The following IGF2BP2 variants were observed in gnomAD, a reference collection of about 807,000 sequenced individuals.
IGF2BP2 encodes insulin-like growth factor 2 mRNA-binding protein 2.
In IGF2BP2, 17 loss-of-function variants were observed where a neutral mutation model predicts 75.8. The ratio of observed to expected loss-of-function variants is 0.22; its 90% confidence interval spans 0.15 to 0.34. The LOEUF (loss-of-function observed/expected upper bound fraction) is 0.34, where lower values mean the gene tolerates loss of function less well. Among genes scored for constraint, IGF2BP2 ranks in the 10% least tolerant of loss-of-function variants. The pLI is 1.00. For missense variants in IGF2BP2, 516 were observed against 772.4 expected, an observed-to-expected ratio of 0.67 and a Z score of 3.93; for synonymous variants, 288 against 295.6, an observed-to-expected ratio of 0.97 and a Z score of 0.26.
Position 185,675,351 on chromosome 3 carries a change from ATCTCAGC to A in IGF2BP2, c.1009_1015del (p.Ala337Ter). On this transcript the variant is annotated frameshift_variant, in exon 9 of 16. Transcript: ENST00000382199. ...CTCACGCAGCTTCTTCATAATCTCT[ATCTCAGC>A]ACTGGCACAGGCCTCAACTGTGCCC... The A allele has an allele frequency of 6.2e-7, 1 of 1,612,512 alleles. No individual in the cohort carries two copies. Among genetic ancestry groups the A allele is most frequent in the Non-Finnish European group, 8.5e-7 (1 of 1,179,684 alleles).
chr3:185,765,087 C>T (rs1198883252), intron 2 of IGF2BP2, among the ~76,000 whole-genome samples: 1 of 152,190 alleles, frequency 6.6e-6, no homozygotes, highest in East Asian at 1.9e-4. Flanking sequence ...CCCTCCTACC[C>T]GTTTATGACT....
chr3:185,770,725 T>C (rs1300498677), intron 2 of IGF2BP2, among the ~76,000 whole-genome samples: 2 of 152,176 alleles, frequency 1.3e-5, no homozygotes, highest in Non-Finnish European at 2.9e-5. Flanking sequence ...GAGACTGTAA[T>C]AGATGATCTT....
chr3:185,649,378 T>C (rs771619154), intron 14 of IGF2BP2, 25 bp downstream of exon 14: 1 of 1,610,848 alleles, frequency 6.2e-7, no homozygotes, highest in Admixed American at 1.7e-5. Flanking sequence ...ACCCAGGTGA[T>C]GAAGCGAGCC....
chr3:185,695,640 A>C (rs1384767168), intron 4 of IGF2BP2, among the ~76,000 whole-genome samples: 1 of 152,202 alleles, frequency 6.6e-6, no homozygotes, highest in Non-Finnish European at 1.5e-5. Context: ...AGCTTTAGGT[A>C]CCACTGTTTT....
intron 2 of IGF2BP2, among the ~76,000 whole-genome samples, chr3:185,774,688 C>G (rs114608542): frequency 3.3e-5 from 5 of 151,906 alleles, no homozygotes; most frequent in African/African-American, 4.8e-5. Context: ...ATAAGTCTCA[C>G]AGACAGTATA....
intron 2 of IGF2BP2, among the ~76,000 whole-genome samples, chr3:185,742,625 C>T (rs1032796476): frequency 5.3e-5 from 8 of 151,976 alleles, no homozygotes; most frequent in Non-Finnish European, 2.9e-5. Context: ...CCACTGCACT[C>T]CAGCCTGGAT....
intron 2 of IGF2BP2, among the ~76,000 whole-genome samples, chr3:185,769,041 C>CA (rs879411158): frequency 3.3e-5 from 5 of 150,866 alleles, no homozygotes; most frequent in African/African-American, 4.9e-5. Context: ...CAAATCAAAA[C>CA]AAAAAAAAGG....
chr3:185,678,875 C>T (rs1201931805), intron 7 of IGF2BP2, among the ~76,000 whole-genome samples: 1 of 152,164 alleles, frequency 6.6e-6, no homozygotes, highest in African/African-American at 2.4e-5. Context: ...CATTGTATAA[C>T]GTCCCTCTTT....
intron 2 of IGF2BP2, among the ~76,000 whole-genome samples, chr3:185,729,312 A>G (rs1727815703): frequency 1.3e-5 from 2 of 152,196 alleles, no homozygotes; most frequent in Admixed American, 1.3e-4. Flanking sequence ...GAACAGACAG[A>G]CAGTGATGAC....
chr3:185,778,613 A>G (rs529553614), intron 2 of IGF2BP2, among the ~76,000 whole-genome samples: 1 of 152,330 alleles, frequency 6.6e-6, no homozygotes, highest in African/African-American at 2.4e-5. Context: ...CATTATCAGG[A>G]TGGCACAGCA....
intron 2 of IGF2BP2, among the ~76,000 whole-genome samples, chr3:185,786,071 G>A (rs1212448664): frequency 2.1e-5 from 3 of 145,068 alleles, no homozygotes; most frequent in Non-Finnish European, 4.5e-5. Context: ...CTCCCCTAAT[G>A]AGCTAATTAA....
rs1714182309 is a variant in IGF2BP2, at chr3:185,649,429, G to A, written c.1567C>T (p.Arg523Trp). ...HIRVPSSTAG[R>W]VIGKGGKTVN... is the part of the protein sequence containing the mutation. ...GTCTTGCCACCTTTGCCAATCACCCGGCCAGCTGTGGAAGAGGGCACTCTG... is the reference window on the plus strand; with the variant it reads ...GTCTTGCCACCTTTGCCAATCACCCAGCCAGCTGTGGAAGAGGGCACTCTG... Residue 523 changes from arginine (R) to tryptophan (W), a missense_variant, in exon 14 of 16, where the codon CGG (arginine) becomes TGG (tryptophan). Arg to Trp is a moderately radical substitution (Grantham distance 101). Around this residue, in one of 3 missense-constraint regions of IGF2BP2, gnomAD observed 129 missense variants for 230.5 expected, o/e 0.56. Transcript: ENST00000382199. The A allele has an allele frequency of 2.5e-6, 4 of 1,613,770 alleles. No individual in the cohort carries two copies. The highest frequency in any genetic ancestry group is 1.3e-5 in the African/African-American group (1 of 75,008).
At chr3:185,730,719 T>C (rs2149513239) in intron 2 of IGF2BP2, among the ~76,000 whole-genome samples, 1 of 152,274 alleles carries the variant, frequency 6.6e-6, no homozygotes, top group East Asian at 1.9e-4. Context: ...GTGTCTTTTT[T>C]ATACAATGGT....
chr3:185,730,428 CTTTTTTTT>C (rs71632076), intron 2 of IGF2BP2, among the ~76,000 whole-genome samples: 1 of 96,762 alleles, frequency 1.0e-5, no homozygotes, highest in Non-Finnish European at 2.0e-5. Flanking sequence ...GCGCAGGTGT[CTTTTTTTT>C]TTTTTTTTTT....
intron 2 of IGF2BP2, among the ~76,000 whole-genome samples, chr3:185,777,997 T>A (rs1034359124): frequency 6.6e-6 from 1 of 151,946 alleles, no homozygotes; most frequent in Non-Finnish European, 1.5e-5. Context: ...TGAGCCGAGA[T>A]TGCAAGAGTG....
At position 185,677,028 on chromosome 3, in the gene IGF2BP2, T is replaced by G. The variant is rs1465885003; in HGVS notation, c.813-1115A>C. On this transcript the variant is annotated intron_variant, in intron 7 of 15. Coordinates refer to ENST00000382199, the MANE Select transcript of IGF2BP2 (RefSeq NM_006548.6). Reference sequence around the variant, plus strand: ...GAGAGATTATATATATGGAGAGAGATATATATATATATGGAGATATATATA... The same window carrying G: ...GAGAGATTATATATATGGAGAGAGAGATATATATATATGGAGATATATATA... 2.9e-3 allele frequency among the ~76,000 whole-genome samples: 331 copies of G among 112,300 alleles called. 5 individuals carry two copies. The highest frequency in any genetic ancestry group is 0.01 in the African/African-American group (301 of 28,726). The allele number at this position is 112,300 out of a possible 152,430, so 73.7% of individuals were successfully genotyped here. A position where few individuals can be genotyped will look rare whatever the true frequency, so the allele number is the denominator to read the frequency against.
chr3:185,801,420 C>T lies in IGF2BP2; in HGVS notation c.239+21733G>A, dbSNP rs191130195. Among the ~76,000 whole-genome samples, 179 of 139,910 alleles carry T rather than the reference C, an allele frequency of 1.3e-3. 1 individual carries two copies. Among genetic ancestry groups the T allele is most frequent in the African/African-American group, 4.6e-3 (170 of 36,756 alleles). The allele number at this position is 139,910 out of a possible 152,430, so 91.8% of individuals were successfully genotyped here. ...AGGAGAATTGCTTGAACCCAGGAGG[C>T]GGAGGTTGTGGTGAGCCGAGATGGC... On this transcript the variant is annotated intron_variant, in intron 2 of 15. Transcript: ENST00000382199.
At chr3:185,823,279 G>C (rs368206223) in intron 1 of IGF2BP2, 66 bp from the exon 2 acceptor site, 6 of 1,284,066 alleles carry the variant, frequency 4.7e-6, no homozygotes, top group East Asian at 2.4e-5. Flanking sequence ...TCTAGGGGGG[G>C]CACGCACGGA....
At chr3:185,721,937 T>C (rs1006800078) in intron 2 of IGF2BP2, among the ~76,000 whole-genome samples, 2 of 152,148 alleles carry the variant, frequency 1.3e-5, no homozygotes, top group African/African-American at 2.4e-5. Flanking sequence ...TGTCTTCTAT[T>C]TACCAACCAT....
Sources: allele counts gnomAD v4.1 joint callset (sites outside exome capture counted in the v4.1 genomes callset), GRCh38; gene constraint gnomAD v4.1.1; regional missense constraint gnomAD v4.1.1; transcripts MANE v1.5; gene names NCBI Gene and HGNC (gene_info 2026-07-23, HGNC 2026-07-21).